WDR20: variants seen among roughly 807,000 people sequenced by gnomAD.
WDR20 encodes WD repeat domain 20, also known as WD repeat-containing protein 20.
A neutral mutation model predicts 38.7 loss-of-function variants in WDR20; 3 were observed. The ratio of observed to expected loss-of-function variants is 0.08; its 90% confidence interval spans 0.04 to 0.20. WDR20 has a LOEUF of 0.20. WDR20 is among the 10% of genes least tolerant of loss of function. WDR20 has a pLI of 1.00. For synonymous variants in WDR20, 298 were observed against 285.6 expected (o/e 1.04, Z -0.44); for missense variants, 559 against 727.7 (o/e 0.77, Z 2.67).
rs1377083892 is a variant in WDR20 at position 102,188,860 on chromosome 14, G to A, written c.250-6078G>A. Among the ~76,000 whole-genome samples the A allele has an allele frequency of 2.3e-5, 3 of 132,468 alleles. No individual in the cohort carries two copies. In the East Asian group the frequency reaches 6.5e-4, roughly 29 times the overall value. 86.9% of individuals were successfully genotyped at this position (132,468 alleles called of 152,430 possible). ...TGTACTCCAGTCTGGGCAGCAGAGC[G>A]AGACCCTGTTTCAAAAAAAAAAAAA... is the stretch of plus-strand genomic sequence containing the variant. On this transcript the variant is annotated intron_variant, in intron 1 of 2. Transcript: ENST00000342702.
intron 1 of WDR20, among the ~76,000 whole-genome samples, chr14:102,141,660 A>G (rs1251844776): frequency 2.0e-5 from 3 of 152,132 alleles, no homozygotes; most frequent in Non-Finnish European, 4.4e-5. Context: ...TGCACGTTGT[A>G]ATTAATAATA....
At chr14:102,194,771 A>T (rs1407700822) in intron 1 of WDR20, among the ~76,000 whole-genome samples, 167 bp from the exon 2 acceptor site, 19 of 152,244 alleles carry the variant, frequency 1.2e-4, no homozygotes, top group Admixed American at 1.2e-3. Context: ...AAGGTATGTG[A>T]AAGTGCTTTT....
rs1597035884 is a variant in WDR20, at chr14:102,209,954, A to T, written c.*74A>T. 1.3e-5 allele frequency: 19 copies of T among 1,505,754 alleles called. No homozygotes were observed. The East Asian group carries it at 4.3e-4, about 34-fold the overall frequency. The allele number at this position is 1,505,754 out of a possible 1,614,324, so 93.3% of individuals were successfully genotyped here. On this transcript the variant is annotated 3_prime_UTR_variant, in exon 3 of 3. Coordinates refer to ENST00000342702, the MANE Select transcript of WDR20 (RefSeq NM_144574.4). This position sits in a 1 kb window ranked among gnomAD's most constrained non-coding sequence, Gnocchi z 6.0. ...CGTGGGAGGGGTGGGGTGTACAATGAATGTGAATGACACTTCTTATTCTTA... is the reference window on the plus strand; with the variant it reads ...CGTGGGAGGGGTGGGGTGTACAATGTATGTGAATGACACTTCTTATTCTTA...
intron 2 of WDR20, among the ~76,000 whole-genome samples, chr14:102,203,363 A>T (rs1333534669): frequency 2.0e-5 from 3 of 152,244 alleles, no homozygotes; most frequent in Admixed American, 6.5e-5. Flanking sequence ...TATAAATGAG[A>T]TCATTGACAT....
chr14:102,164,299 T>C (rs1272767285), intron 1 of WDR20, among the ~76,000 whole-genome samples: 1 of 152,160 alleles, frequency 6.6e-6, no homozygotes, highest in Non-Finnish European at 1.5e-5. Flanking sequence ...ACAGCCTTCC[T>C]TTCCACTCCA....
chr14:102,207,221 G>A lies in WDR20; in HGVS notation c.433-1382G>A, dbSNP rs940391007. Among the ~76,000 whole-genome samples the A allele has an allele frequency of 6.6e-6, 1 of 152,262 alleles. No homozygotes were observed. Among genetic ancestry groups the A allele is most frequent in the Non-Finnish European group, 1.5e-5 (1 of 68,046 alleles). On this transcript the variant is annotated intron_variant, in intron 2 of 2. Transcript: ENST00000342702. The surrounding 1 kb of genome is among the most constrained non-coding windows in gnomAD (Gnocchi z 5.0). ...CAGCCCTGGGCCCGCATGCTGTGTG[G>A]CGTTCAGGCCTCCGTTCTTCCTGCC... is the stretch of plus-strand genomic sequence containing the variant.
intron 1 of WDR20, among the ~76,000 whole-genome samples, chr14:102,175,614 T>C (rs1375518706): frequency 6.6e-6 from 1 of 152,172 alleles, no homozygotes; most frequent in East Asian, 1.9e-4. Flanking sequence ...TTGATGGGAA[T>C]TGCATTGAAT....
At chr14:102,193,537 A>T in intron 1 of WDR20, 1 of 1,610,636 alleles carries the variant, frequency 6.2e-7, no homozygotes. Context: ...GAGTGTCCGC[A>T]TGGCATGCAC....
chr14:102,192,182 T>A (rs1426141839), intron 1 of WDR20, among the ~76,000 whole-genome samples: 3 of 137,380 alleles, frequency 2.2e-5, no homozygotes, highest in Non-Finnish European at 4.7e-5. Context: ...TTTACCTGAA[T>A]TTTTTTTTTT....
chr14:102,214,684 G>A, downstream of WDR20: 1 of 983,338 alleles, frequency 1.0e-6, no homozygotes, highest in Non-Finnish European at 1.2e-6. Flanking sequence ...AAAATCAAAA[G>A]TAAAATTCAC....
At chr14:102,158,671 G>A (rs1368938048) in intron 1 of WDR20, among the ~76,000 whole-genome samples, 16 of 152,038 alleles carry the variant, frequency 1.1e-4, no homozygotes, top group Admixed American at 1.0e-3. Flanking sequence ...GTTGATGACT[G>A]TACTTCTTAT....
exon 4 of WDR20, chr14:102,223,305 T>C (rs2064116619): frequency 6.5e-6 from 1 of 152,844 alleles, no homozygotes; most frequent in African/African-American, 2.4e-5. Context: ...GAAGACAACC[T>C]TGAATGCACT....
chr14:102,212,592 A>G (rs1036295817), downstream of WDR20: 33 of 1,535,602 alleles, frequency 2.1e-5, 1 homozygote, highest in Middle Eastern at 2.7e-3. Flanking sequence ...AAAGTGCCCA[A>G]CAGCTTGAGA....
intron 1 of WDR20, among the ~76,000 whole-genome samples, chr14:102,185,607 G>T (rs1040298865): frequency 6.6e-6 from 1 of 152,050 alleles, no homozygotes; most frequent in African/African-American, 2.4e-5. Flanking sequence ...TACTTACTGC[G>T]CAGGTTTGTA....
chr14:102,183,695 A>G (rs2063894578), intron 1 of WDR20, among the ~76,000 whole-genome samples: 1 of 152,186 alleles, frequency 6.6e-6, no homozygotes, highest in Admixed American at 6.5e-5. Context: ...CCTCTGCACA[A>G]CTGGGGACTT....
At chr14:102,224,802 G>GA (rs1279233696), downstream of WDR20, 1 of 455,898 alleles carries the variant, frequency 2.2e-6, no homozygotes, top group Non-Finnish European at 4.4e-6. Flanking sequence ...CTTCTAGAAA[G>GA]AGAAATAATA....
intron 1 of WDR20, among the ~76,000 whole-genome samples, chr14:102,151,874 A>G (rs1404259149): frequency 6.6e-6 from 1 of 150,556 alleles, no homozygotes; most frequent in Non-Finnish European, 1.5e-5. Flanking sequence ...CAAGTAGCTG[A>G]GTCTATAGGA....
intron 2 of WDR20, among the ~76,000 whole-genome samples, chr14:102,203,381 C>A (rs1304520263): frequency 6.6e-6 from 1 of 152,008 alleles, no homozygotes; most frequent in Non-Finnish European, 1.5e-5. Flanking sequence ...CATTTTTTTT[C>A]ATACCACATT....
rs35046967 is a variant in WDR20 at position 102,186,952 on chromosome 14, GA to G, written c.250-7974del. Among the ~76,000 whole-genome samples the G allele has an allele frequency of 5.4e-4, 78 of 145,530 alleles. No individual in the cohort carries two copies. In the East Asian group the frequency reaches 7.0e-3, roughly 13 times the overall value. ...GGGACAGAACGAGACTCTGTCTCAGGAAAAAAAAAAAAGTTCCACCAAGAAA... is the reference window on the plus strand; with the variant it reads ...GGGACAGAACGAGACTCTGTCTCAGGAAAAAAAAAAAGTTCCACCAAGAAA... On this transcript the variant is annotated intron_variant, in intron 1 of 2. Transcript: ENST00000342702.
Sources: allele counts gnomAD v4.1 joint callset (sites outside exome capture counted in the v4.1 genomes callset), GRCh38; gene constraint gnomAD v4.1.1; non-coding constraint Gnocchi (gnomAD v3.1); transcripts MANE v1.5; gene names NCBI Gene and HGNC (gene_info 2026-07-23, HGNC 2026-07-21).